The following MYO3A variants were observed in gnomAD, a reference collection of about 807,000 sequenced individuals.
MYO3A encodes myosin IIIA.
MYO3A carries 180 observed loss-of-function variants against 192.7 expected under a neutral mutation model. That is an observed-to-expected ratio of 0.93 (90% CI 0.83 to 1.06). MYO3A has a LOEUF of 1.06. Ranked by LOEUF, MYO3A falls within the 50% of genes least tolerant of loss-of-function variation. The pLI is 0.00. For synonymous variants in MYO3A, 628 were observed against 645.3 expected (o/e 0.97, Z 0.41); for missense variants, 1,896 against 1,905.0 (o/e 1.00, Z 0.09).
intron 17 of MYO3A, among the ~76,000 whole-genome samples, chr10:26,114,345 A>C (rs1251172655): frequency 6.6e-6 from 1 of 152,206 alleles, no homozygotes; most frequent in African/African-American, 2.4e-5. Flanking sequence ...CATGTTGCCA[A>C]AACAACTCTG....
At chr10:26,064,560 T>C (rs940001591) in intron 10 of MYO3A, among the ~76,000 whole-genome samples, 1 of 152,112 alleles carries the variant, frequency 6.6e-6, no homozygotes, top group Non-Finnish European at 1.5e-5. Context: ...ACATTTTTTT[T>C]AAAGATCACT....
intron 30 of MYO3A, 113 bp downstream of exon 30, chr10:26,174,670 C>G: frequency 1.1e-6 from 1 of 893,878 alleles, no homozygotes; most frequent in Non-Finnish European, 1.7e-6. Context: ...TTGATGGGCC[C>G]GCAAACATTT....
Position 26,021,651 on chromosome 10 carries a change from C to CAT in MYO3A, c.731+4_731+5insTA, listed in dbSNP as rs727505119. Reference sequence around the variant, plus strand: ...AGAGCACTCTTCAAAATACCAAGGTCAGATGACTAACATTGGGTCCAGTAT... The same window carrying CAT: ...AGAGCACTCTTCAAAATACCAAGGTCATAGATGACTAACATTGGGTCCAGTAT... On this transcript the variant is annotated splice_donor_region_variant and intron_variant, in intron 8 of 34. Coordinates refer to ENST00000642920, the MANE Select transcript of MYO3A (RefSeq NM_017433.5). 187 of 1,613,960 alleles carry CAT rather than the reference C, an allele frequency of 1.2e-4. 1 individual carries two copies. The Middle Eastern group carries it at 4.8e-3, about 41-fold the overall frequency.
At position 26,174,340 on chromosome 10, in the gene MYO3A, G is replaced by A. The variant is rs201593650; in HGVS notation, c.4076G>A (p.Gly1359Asp). The A allele has an allele frequency of 9.3e-6, 15 of 1,614,174 alleles. No homozygotes were observed. The African/African-American group carries it at 1.6e-4, about 17-fold the overall frequency. ...AAVFIQSKYR[G>D]YKRRQQLRKD... ...GTATTCATTCAGAGCAAATACCGGG[G>A]TTACAAGAGAAGGCAGCAGTTGAGG... is the stretch of plus-strand genomic sequence containing the variant. The change falls in exon 30 of 35, where the codon GGT (glycine) becomes GAT (aspartate). Residue 1359 changes from glycine to aspartate, a missense_variant. Transcript: ENST00000642920.
intron 2 of MYO3A, among the ~76,000 whole-genome samples, chr10:25,943,498 C>T (rs1836637169): frequency 6.6e-6 from 1 of 152,132 alleles, no homozygotes; most frequent in African/African-American, 2.4e-5. Flanking sequence ...ATTAAATCTT[C>T]TAATCCATGA....
intron 8 of MYO3A, chr10:26,023,602 C>A (rs999756280): frequency 4.6e-6 from 1 of 216,984 alleles, no homozygotes; most frequent in Non-Finnish European, 9.3e-6. Context: ...GTGCGACTCC[C>A]TGGCACACCT....
chr10:26,124,593 C>CT (rs1284570394), intron 18 of MYO3A, among the ~76,000 whole-genome samples: 1 of 152,104 alleles, frequency 6.6e-6, no homozygotes, highest in Non-Finnish European at 1.5e-5. Context: ...CAAGAAACAT[C>CT]TTGTCACAAG....
At chr10:26,159,009 AT>A (rs200816614) in intron 26 of MYO3A, among the ~76,000 whole-genome samples, 27,509 of 143,692 alleles carry the variant, frequency 0.19, 2,549 homozygotes, top group Non-Finnish European at 0.21. Context: ...ATTTCTGCTA[AT>A]TTTTTTTTTT....
At chr10:26,098,794 A>T (rs1032178623) in intron 17 of MYO3A, among the ~76,000 whole-genome samples, 7 of 152,180 alleles carry the variant, frequency 4.6e-5, no homozygotes, top group Non-Finnish European at 7.3e-5. Flanking sequence ...TACCAGTACC[A>T]TACTGTTTTG....
chr10:25,983,534 G>T (rs2130809321), intron 4 of MYO3A, among the ~76,000 whole-genome samples: 1 of 152,258 alleles, frequency 6.6e-6, no homozygotes, highest in African/African-American at 2.4e-5. Flanking sequence ...TGGGATTACA[G>T]GTGTGAGCCA....
chr10:26,193,829 A>G (rs1843270671), intron 32 of MYO3A, among the ~76,000 whole-genome samples: 1 of 152,216 alleles, frequency 6.6e-6, no homozygotes, highest in Non-Finnish European at 1.5e-5. Flanking sequence ...TGAGACACAG[A>G]TAAGCATGCC....
At chr10:26,143,898 A>G (rs1012668155) in intron 21 of MYO3A, among the ~76,000 whole-genome samples, 1 of 152,220 alleles carries the variant, frequency 6.6e-6, no homozygotes, top group Non-Finnish European at 1.5e-5. Context: ...CCAGCCCAAA[A>G]TTAGAAATTG....
chr10:26,089,886 T>C (rs1836590213), intron 15 of MYO3A, among the ~76,000 whole-genome samples: 2 of 152,130 alleles, frequency 1.3e-5, no homozygotes, highest in South Asian at 4.1e-4. Context: ...ACCCCATAAG[T>C]TTAAGCCATT....
chr10:26,061,438 A>T (rs1418714152), intron 10 of MYO3A, among the ~76,000 whole-genome samples: 1 of 150,112 alleles, frequency 6.7e-6, no homozygotes, highest in African/African-American at 2.4e-5. Context: ...TTTGAAGGAT[A>T]CGTAGAATTT....
At chr10:26,139,695 G>A (rs1735431175) in intron 20 of MYO3A, among the ~76,000 whole-genome samples, 1 of 152,034 alleles carries the variant, frequency 6.6e-6, no homozygotes, top group Admixed American at 6.6e-5. Context: ...TTGAGGTCAG[G>A]CGTTTGAGAC....
At chr10:26,128,326 G>C in intron 19 of MYO3A, 65 bp from the exon 20 acceptor site, 1 of 1,529,682 alleles carries the variant, frequency 6.5e-7, no homozygotes, top group Non-Finnish European at 9.0e-7. Flanking sequence ...GTAACTCTAA[G>C]ATTCCCTGTT....
intron 32 of MYO3A, among the ~76,000 whole-genome samples, chr10:26,196,953 CTG>C (rs1843438934): frequency 6.6e-6 from 1 of 152,188 alleles, no homozygotes; most frequent in African/African-American, 2.4e-5. Context: ...CTCAATTCCA[CTG>C]TTTTAGTTAT....
intron 26 of MYO3A, among the ~76,000 whole-genome samples, chr10:26,161,685 G>T (rs1027023051): frequency 6.6e-6 from 1 of 152,114 alleles, no homozygotes; most frequent in Non-Finnish European, 1.5e-5. Context: ...TTATATATGT[G>T]TTTATAAGTA....
chr10:26,040,858 G>A (rs903159011), intron 10 of MYO3A, among the ~76,000 whole-genome samples: 1 of 152,076 alleles, frequency 6.6e-6, no homozygotes, highest in Non-Finnish European at 1.5e-5. Context: ...GGAGAAAAAT[G>A]TGTATTCTAT....
Sources: gnomAD v4.1 joint callset for allele counts (sites outside exome capture counted in the v4.1 genomes callset) on GRCh38, gnomAD v4.1.1 for gene constraint, MANE v1.5 for transcripts, NCBI Gene and HGNC (gene_info 2026-07-23, HGNC 2026-07-21) for gene names.